MYT1L: variants seen among roughly 807,000 people sequenced by gnomAD.
MYT1L encodes myelin transcription factor 1-like protein.
In MYT1L, 12 loss-of-function variants were observed where a neutral mutation model predicts 126.7. The ratio of observed to expected loss-of-function variants is 0.09; its 90% CI spans 0.06 to 0.15. MYT1L has a LOEUF of 0.15. MYT1L is among the 10% of genes least tolerant of loss of function. The pLI, the probability that MYT1L is intolerant of heterozygous loss-of-function variation, is 1.00. For missense variants in MYT1L, 979 were observed against 1,585.2 expected (o/e 0.62, Z 6.49); for synonymous variants, 541 against 604.2 (o/e 0.90, Z 1.53).
chr2:2,278,950 T>C (rs1659412155), intron 2 of MYT1L, among the ~76,000 whole-genome samples: 1 of 152,076 alleles, frequency 6.6e-6, no homozygotes, highest in South Asian at 2.1e-4. Flanking sequence ...TTAACCACGC[T>C]TTCCCTTGCC....
chr2:2,194,282 G>T (rs112134518), intron 2 of MYT1L, among the ~76,000 whole-genome samples: 6,076 of 152,070 alleles, frequency 0.04, 420 homozygotes, highest in African/African-American at 0.14. Context: ...GTCTTGCTAT[G>T]TTGCCCAGGC....
At chr2:1,923,348 G>C in intron 9 of MYT1L, 85 bp from the exon 10 acceptor site, 1 of 1,117,596 alleles carries the variant, frequency 8.9e-7, no homozygotes, top group Non-Finnish European at 1.3e-6. Context: ...AGCATGGATA[G>C]CACGTTAACT....
At chr2:2,034,139 G>C (rs980595804) in intron 4 of MYT1L, among the ~76,000 whole-genome samples, 1 of 152,176 alleles carries the variant, frequency 6.6e-6, no homozygotes, top group African/African-American at 2.4e-5. Flanking sequence ...TTAGTAAGTC[G>C]TAGGGACATT....
chr2:2,152,823 A>G (rs905159560), intron 3 of MYT1L, among the ~76,000 whole-genome samples: 1 of 152,100 alleles, frequency 6.6e-6, no homozygotes, highest in Admixed American at 6.6e-5. Context: ...CTTAGTTAGG[A>G]GTTCCTTGGA....
chr2:1,888,238 G>GTTTACTT (rs1366639565), intron 16 of MYT1L, among the ~76,000 whole-genome samples: 8 of 152,198 alleles, frequency 5.3e-5, no homozygotes, highest in Non-Finnish European at 1.2e-4. Flanking sequence ...AAACACTTCT[G>GTTTACTT]TCATTTTAGG....
intron 2 of MYT1L, among the ~76,000 whole-genome samples, chr2:2,211,525 T>C (rs908957339): frequency 2.0e-5 from 3 of 152,126 alleles, no homozygotes; most frequent in African/African-American, 7.2e-5. Context: ...CTGACAACTC[T>C]GGCCAGGTGC....
intron 4 of MYT1L, among the ~76,000 whole-genome samples, chr2:2,017,154 C>G (rs2064501308): frequency 6.6e-6 from 1 of 152,172 alleles, no homozygotes; most frequent in Non-Finnish European, 1.5e-5. Context: ...CTCGTAGACT[C>G]CACACTGAGA....
intron 3 of MYT1L, among the ~76,000 whole-genome samples, chr2:2,078,588 CA>C (rs1231842420): frequency 6.6e-6 from 1 of 151,784 alleles, no homozygotes; most frequent in African/African-American, 2.4e-5. Context: ...AAATTAGGTG[CA>C]AAAAAGGATA....
intron 8 of MYT1L, among the ~76,000 whole-genome samples, chr2:1,966,284 C>T (rs1237006573): frequency 6.6e-6 from 1 of 152,206 alleles, no homozygotes; most frequent in African/African-American, 2.4e-5. Flanking sequence ...CTCTTTCTTC[C>T]AGAATTTTCT....
At chr2:1,953,346 C>A (rs2058053779) in intron 8 of MYT1L, among the ~76,000 whole-genome samples, 1 of 152,204 alleles carries the variant, frequency 6.6e-6, no homozygotes, top group Non-Finnish European at 1.5e-5. Flanking sequence ...CACAGTCACC[C>A]TTCACAACTG....
intron 2 of MYT1L, among the ~76,000 whole-genome samples, chr2:2,229,933 C>T (rs538543238): frequency 6.6e-6 from 1 of 152,226 alleles, no homozygotes; most frequent in Non-Finnish European, 1.5e-5. Flanking sequence ...CGGTGAAAAA[C>T]CATTTGTTTT....
chr2:1,803,580 T>C (rs1056084175), intron 22 of MYT1L, among the ~76,000 whole-genome samples: 1 of 152,230 alleles, frequency 6.6e-6, no homozygotes, highest in Non-Finnish European at 1.5e-5. Context: ...ACGGGTCCCA[T>C]GACAACCTTT....
chr2:2,105,846 G>A (rs1054853639), intron 3 of MYT1L, among the ~76,000 whole-genome samples: 4 of 152,176 alleles, frequency 2.6e-5, no homozygotes, highest in African/African-American at 9.7e-5. Context: ...AGGTTTACGT[G>A]TATGTGTTTT....
At chr2:2,178,946 T>C (rs1488303488) in intron 2 of MYT1L, among the ~76,000 whole-genome samples, 1 of 152,218 alleles carries the variant, frequency 6.6e-6, no homozygotes. Flanking sequence ...TAACAAGCTT[T>C]AGTCTTCAGG....
chr2:1,849,308 T>C (rs138530725), intron 19 of MYT1L, among the ~76,000 whole-genome samples: 53 of 152,144 alleles, frequency 3.5e-4, no homozygotes, highest in African/African-American at 1.3e-3. Flanking sequence ...AACACCAGCA[T>C]GGAATGTTCT....
intron 3 of MYT1L, among the ~76,000 whole-genome samples, chr2:2,082,181 T>C (rs1309079324): frequency 6.6e-6 from 1 of 152,184 alleles, no homozygotes; most frequent in Non-Finnish European, 1.5e-5. Flanking sequence ...TATGTGTGTA[T>C]AGCATAAGAC....
intron 13 of MYT1L, among the ~76,000 whole-genome samples, chr2:1,906,295 A>T (rs1395158534): frequency 6.6e-6 from 1 of 152,126 alleles, no homozygotes; most frequent in Non-Finnish European, 1.5e-5. Context: ...TTTGTTTCTC[A>T]GGCTTTAAAA....
intron 2 of MYT1L, among the ~76,000 whole-genome samples, chr2:2,283,336 T>C (rs970224861): frequency 3.3e-5 from 5 of 152,180 alleles, no homozygotes; most frequent in African/African-American, 1.2e-4. Flanking sequence ...ACACTAATTA[T>C]GTAAAGAAAA....
At chr2:1,966,412 T>G (rs988391837) in intron 8 of MYT1L, among the ~76,000 whole-genome samples, 1 of 152,184 alleles carries the variant, frequency 6.6e-6, no homozygotes, top group Admixed American at 6.5e-5. Context: ...TTCTCTATGA[T>G]CTACAGTAGG....
Sources: allele counts gnomAD v4.1 joint callset (sites outside exome capture counted in the v4.1 genomes callset), GRCh38; gene constraint gnomAD v4.1.1; transcripts MANE v1.5; gene names NCBI Gene and HGNC (gene_info 2026-07-23, HGNC 2026-07-21).